Variants in NTRK2 observed in about 807,000 individuals in gnomAD.
The protein encoded by NTRK2 is BDNF/NT-3 growth factors receptor.
Under a neutral mutation model 94.5 loss-of-function variants are expected in NTRK2, and 13 were observed. The observed-to-expected ratio is 0.14, with a 90% CI of 0.09 to 0.22. NTRK2 has a LOEUF of 0.22. Ranked by LOEUF, NTRK2 falls within the 10% of genes least tolerant of loss-of-function variation. The pLI is 1.00. For missense variants in NTRK2, 639 were observed against 1,071.2 expected, an observed-to-expected ratio of 0.60 and a Z score of 5.63; for synonymous variants, 372 against 407.4, an observed-to-expected ratio of 0.91 and a Z score of 1.05.
intron 17 of NTRK2, among the ~76,000 whole-genome samples, chr9:85,010,949 C>T (rs1209927421): frequency 6.6e-6 from 1 of 151,978 alleles, no homozygotes. Context: ...TGGGAGGTAA[C>T]CTGAAGCAAC....
intron 11 of NTRK2, among the ~76,000 whole-genome samples, chr9:84,745,365 C>T (rs1047968785): frequency 3.3e-5 from 5 of 152,162 alleles, no homozygotes; most frequent in Admixed American, 2.0e-4. Flanking sequence ...CTTTATCATT[C>T]AGGGACTACA....
intron 17 of NTRK2, among the ~76,000 whole-genome samples, chr9:84,958,101 G>A (rs1824391575): frequency 6.6e-6 from 1 of 152,146 alleles, no homozygotes; most frequent in Admixed American, 6.5e-5. Flanking sequence ...AGGGAAGAAT[G>A]GGAATTGACT....
At chr9:84,941,195 T>C (rs2078396223) in intron 15 of NTRK2, among the ~76,000 whole-genome samples, 2 of 152,196 alleles carry the variant, frequency 1.3e-5, no homozygotes, top group African/African-American at 4.8e-5. Flanking sequence ...GTTCTTTGGG[T>C]ATGTACATTC....
At chr9:84,801,869 C>T (rs1209072927) in intron 12 of NTRK2, among the ~76,000 whole-genome samples, 1 of 152,104 alleles carries the variant, frequency 6.6e-6, no homozygotes, top group African/African-American at 2.4e-5. Context: ...TCCAGTCATT[C>T]CTGCTATACC....
At chr9:84,978,862 G>A (rs1180597610) in intron 17 of NTRK2, among the ~76,000 whole-genome samples, 3 of 152,196 alleles carry the variant, frequency 2.0e-5, no homozygotes, top group African/African-American at 7.2e-5. Context: ...TAAGCATTAT[G>A]CTAAATCTAC....
chr9:84,811,675 G>A, intron 12 of NTRK2: 1 of 1,065,588 alleles, frequency 9.4e-7, no homozygotes, highest in Non-Finnish European at 1.1e-6. Context: ...GGGTAGGAAA[G>A]CTTGTCCTGA....
rs965246020 is a variant in NTRK2 at position 84,741,786 on chromosome 9, T to C, written c.1160-106T>C. ...TGTCCTGTGAAAGCAGTCTATTAAATTGCAAAACTTCAGTGTATGTCTAGC... is the reference window on the plus strand; with the variant it reads ...TGTCCTGTGAAAGCAGTCTATTAAACTGCAAAACTTCAGTGTATGTCTAGC... On this transcript the variant is annotated intron_variant, in intron 9 of 18. Coordinates refer to ENST00000277120, the MANE Select transcript of NTRK2 (RefSeq NM_006180.6). 9.6e-5 allele frequency: 87 copies of C among 909,630 alleles called. 1 individual carries two copies. The Middle Eastern group carries it at 1.2e-3, about 12-fold the overall frequency. The allele number at this position is 909,630 out of a possible 1,614,324, so 56.3% of individuals were successfully genotyped here.
chr9:84,949,449 T>G (rs371331895), intron 16 of NTRK2, among the ~76,000 whole-genome samples: 15 of 13,774 alleles, frequency 1.1e-3, no homozygotes, highest in Non-Finnish European at 2.5e-3. Context: ...GGTTGGGATT[T>G]ATTTATTTAT....
chr9:84,790,684 G>A (rs190406396), intron 12 of NTRK2, among the ~76,000 whole-genome samples: 1 of 152,300 alleles, frequency 6.6e-6, no homozygotes, highest in East Asian at 1.9e-4. Context: ...GGGAGATATG[G>A]TTTTAAGTGT....
intron 12 of NTRK2, among the ~76,000 whole-genome samples, chr9:84,774,796 C>T (rs1023424441): frequency 2.0e-5 from 3 of 152,106 alleles, no homozygotes; most frequent in African/African-American, 7.2e-5. Flanking sequence ...GAAATAGTCA[C>T]TAACATAATG....
intron 13 of NTRK2, among the ~76,000 whole-genome samples, chr9:84,862,980 TGG>T (rs960399184): frequency 1.3e-5 from 2 of 152,226 alleles, no homozygotes; most frequent in African/African-American, 4.8e-5. Context: ...GTGTTGTCTC[TGG>T]ATTGGTTGGT....
intron 2 of NTRK2, among the ~76,000 whole-genome samples, chr9:84,678,125 T>C (rs2059173480): frequency 6.6e-6 from 1 of 152,238 alleles, no homozygotes; most frequent in Non-Finnish European, 1.5e-5. Flanking sequence ...AACTCTGCCA[T>C]GTGTAATTTG....
chr9:84,950,178 G>A (rs942266902), intron 16 of NTRK2, among the ~76,000 whole-genome samples: 3 of 152,182 alleles, frequency 2.0e-5, no homozygotes, highest in East Asian at 1.9e-4. Context: ...ATAAGCAGAC[G>A]CTTGAATTCT....
chr9:84,705,984 T>C (rs2061033427), intron 4 of NTRK2, among the ~76,000 whole-genome samples: 1 of 151,908 alleles, frequency 6.6e-6, no homozygotes, highest in South Asian at 2.1e-4. Context: ...GAGACGGGGT[T>C]TCACCATGTT....
chr9:84,740,151 G>C (rs1027502848), intron 9 of NTRK2, among the ~76,000 whole-genome samples: 2 of 152,158 alleles, frequency 1.3e-5, no homozygotes, highest in Admixed American at 6.5e-5. Flanking sequence ...AAATTCCCAT[G>C]GTGAGGGGGA....
At chr9:84,882,541 A>G (rs1465758111) in intron 14 of NTRK2, among the ~76,000 whole-genome samples, 1 of 152,078 alleles carries the variant, frequency 6.6e-6, no homozygotes, top group Non-Finnish European at 1.5e-5. Flanking sequence ...TTTTTCTCAA[A>G]TATGCAAGAA....
At position 85,026,102 on chromosome 9, in the gene NTRK2, T is replaced by C. The variant is rs971116866; in HGVS notation, c.*4665T>C. 2.5e-5 allele frequency: 5 copies of C among 200,600 alleles called. No individual in the cohort carries two copies. Among genetic ancestry groups the C allele is most frequent in the African/African-American group, 1.1e-4 (4 of 37,766 alleles). The allele number at this position is 200,600 out of a possible 1,614,324, so 12.4% of individuals were successfully genotyped here. A position where few individuals can be genotyped will look rare whatever the true frequency, so the allele number is the denominator to read the frequency against. On this transcript the variant is annotated 3_prime_UTR_variant, in exon 19 of 19. Transcript: ENST00000277120. ...TATTTATTTATTTATATACTTTTGC[T>C]CCATTCAGCACAAACACAAAGCAAA...
At chr9:84,819,742 C>T (rs2072665994) in intron 12 of NTRK2, among the ~76,000 whole-genome samples, 1 of 152,200 alleles carries the variant, frequency 6.6e-6, no homozygotes, top group Admixed American at 6.5e-5. Flanking sequence ...ATGGCGCCTT[C>T]TCTGTGGCTC....
rs77264479 is a variant in NTRK2, at chr9:84,870,855, C to G, written c.1633+3424C>G. 4.7e-3 allele frequency among the ~76,000 whole-genome samples: 709 copies of G among 152,214 alleles called. 13 individuals are homozygous for G. Among genetic ancestry groups the G allele is most frequent in the Admixed American group, 0.038 (577 of 15,272 alleles). On this transcript the variant is annotated intron_variant, in intron 14 of 18. Coordinates refer to ENST00000277120, the MANE Select transcript of NTRK2 (RefSeq NM_006180.6). The stretch of plus-strand genomic sequence containing the variant: ...AAACCTGGCCTATTTACTTCTCTTT[C>G]CTAAAACTGCATGCTATTCAAAGAT...
Sources: allele counts gnomAD v4.1 joint callset (sites outside exome capture counted in the v4.1 genomes callset), GRCh38; gene constraint gnomAD v4.1.1; transcripts MANE v1.5; gene names NCBI Gene and HGNC (gene_info 2026-07-23, HGNC 2026-07-21).